UNC13B: variants seen among roughly 807,000 people sequenced by gnomAD.
UNC13B encodes the protein unc-13 homolog B, also known as protein unc-13 homolog B.
A neutral mutation model predicts 211.0 loss-of-function variants in UNC13B; 144 were observed. That is an observed-to-expected ratio of 0.68 (90% CI 0.60 to 0.78). The LOEUF (loss-of-function observed/expected upper bound fraction) is 0.78, where lower values mean the gene tolerates loss of function less well. UNC13B is among the 30% of genes least tolerant of loss of function. UNC13B has a pLI of 0.00. For synonymous variants in UNC13B, 709 were observed against 725.8 expected (o/e 0.98, Z 0.37); for missense variants, 1,777 against 2,002.0 (o/e 0.89, Z 2.14).
rs747764304 is a variant in UNC13B, at chr9:35,400,424, GCGCT to G, written c.12469_12472del (p.Ser4157ArgfsTer34). On this transcript the variant is annotated frameshift_variant, in exon 37 of 40. Coordinates refer to ENST00000635942, the MANE Select transcript of UNC13B (RefSeq NM_001371189.2). LOFTEE classifies it high-confidence loss of function. ...CTGACACTCTCATCAAGACCTTTGT[GCGCT>G]CGCAGACCACCCAAGGTAAGGCCCT... The G allele has an allele frequency of 6.2e-7, 1 of 1,613,428 alleles. No individual in the cohort carries two copies. The highest frequency in any genetic ancestry group is 8.5e-7 in the Non-Finnish European group (1 of 1,179,690).
At chr9:35,342,504 G>A (rs1055277323) in intron 11 of UNC13B, among the ~76,000 whole-genome samples, 11 of 152,070 alleles carry the variant, frequency 7.2e-5, no homozygotes, top group Admixed American at 7.2e-4. Flanking sequence ...AGCATATGCC[G>A]CACTGGGGTA....
intron 11 of UNC13B, chr9:35,351,883 C>A (rs990151919): frequency 4.9e-6 from 6 of 1,232,142 alleles, no homozygotes; most frequent in Admixed American, 4.2e-5. Context: ...GGAACCAAAC[C>A]AAGACCCTTT....
At chr9:35,178,293 T>C (rs1283585179) in intron 1 of UNC13B, among the ~76,000 whole-genome samples, 1 of 152,080 alleles carries the variant, frequency 6.6e-6, no homozygotes, top group Admixed American at 6.5e-5. Context: ...GTAGATCACT[T>C]GAGTCCAGGG....
In UNC13B at chr9:35,303,199, G is replaced by C; in HGVS notation, c.3795G>C (p.Gly1265=). ...PKENIPLSDA[G]DDNHYCSPTE... ...AAAACATACCATTATCTGATGCTGG[G>C]GATGATAATCATTATTGTTCCCCTA... Residue 1265 remains glycine, a synonymous_variant, in exon 9 of 40, where the codon GGG becomes GGC. Transcript: ENST00000635942. 1 of 398,574 alleles carries C rather than the reference G, an allele frequency of 2.5e-6. No individual in the cohort carries two copies. Among genetic ancestry groups the C allele is most frequent in the South Asian group, 1.3e-4 (1 of 7,848 alleles). 24.7% of individuals were successfully genotyped at this position (398,574 alleles called of 1,614,324 possible).
rs768278226 is a variant in UNC13B, at chr9:35,259,047, T to C, written c.523T>C (p.Cys175Arg). 2 of 1,613,876 alleles carry C rather than the reference T, an allele frequency of 1.2e-6. No homozygotes were observed. Among genetic ancestry groups the C allele is most frequent in the Non-Finnish European group, 8.5e-7 (1 of 1,179,912 alleles). The stretch of plus-strand genomic sequence containing the variant: ...GCCATTGCCCACTGCTGCCGCCCAG[T>C]GTTGTAAGTGAGAAACTTGTCTATG... ...RKPLPTAAAQ[C>R]SFEDPDSAVD... The change falls in exon 7 of 40, where the codon TGT (cysteine) becomes CGT (arginine). Residue 175 changes from cysteine to arginine, a missense_variant. Transcript: ENST00000635942.
intron 11 of UNC13B, among the ~76,000 whole-genome samples, chr9:35,357,965 T>C (rs1459409059): frequency 1.3e-5 from 2 of 152,214 alleles, no homozygotes; most frequent in African/African-American, 4.8e-5. Flanking sequence ...CTCACCCCAG[T>C]CCCTGGCAAC....
chr9:35,403,461 A>T lies in UNC13B; in HGVS notation c.12599A>T (p.Lys4200Met). 6.2e-7 allele frequency: 1 copy of T among 1,613,864 alleles called. No homozygotes were observed. The highest frequency in any genetic ancestry group is 8.5e-7 in the Non-Finnish European group (1 of 1,179,994). The change falls in exon 39 of 40, where the codon AAG (lysine) becomes ATG (methionine). Residue 4200 changes from lysine (K) to methionine (M), a missense_variant. Coordinates refer to ENST00000635942, the MANE Select transcript of UNC13B (RefSeq NM_001371189.2). ...GCAGTGGTGGCTGCCAATGACCTCA[A>T]GTGGCAGACAGCGGGTATGTTCCGG... is the stretch of plus-strand genomic sequence containing the variant. ...TVKVVAANDL[K>M]WQTAGMFRPF...
At chr9:35,198,392 C>T (rs1456785150) in intron 1 of UNC13B, among the ~76,000 whole-genome samples, 1 of 152,206 alleles carries the variant, frequency 6.6e-6, no homozygotes, top group Non-Finnish European at 1.5e-5. Flanking sequence ...CTGCCATGAT[C>T]ATACGTTTCC....
At chr9:35,199,731 T>C (rs1474900517) in intron 1 of UNC13B, among the ~76,000 whole-genome samples, 2 of 152,250 alleles carry the variant, frequency 1.3e-5, no homozygotes, top group Non-Finnish European at 2.9e-5. Flanking sequence ...TTGTAGATTC[T>C]GGATATTAGC....
intron 37 of UNC13B, among the ~76,000 whole-genome samples, chr9:35,400,687 G>C (rs1836239159): frequency 6.6e-6 from 1 of 152,196 alleles, no homozygotes. Context: ...ACATTGCCTG[G>C]CCCATGCATG....
chr9:35,248,066 T>C (rs1826211035), intron 6 of UNC13B, among the ~76,000 whole-genome samples: 1 of 152,232 alleles, frequency 6.6e-6, no homozygotes, highest in East Asian at 1.9e-4. Context: ...TTCAACTTCT[T>C]CCTGGTTCAT....
chr9:35,214,618 A>G (rs943318323), intron 1 of UNC13B, among the ~76,000 whole-genome samples: 4 of 152,168 alleles, frequency 2.6e-5, no homozygotes, highest in African/African-American at 9.6e-5. Flanking sequence ...GCTGAGTGAC[A>G]TTGCAGATAA....
intron 1 of UNC13B, among the ~76,000 whole-genome samples, chr9:35,223,634 CTT>C (rs1426978339): frequency 6.6e-6 from 1 of 151,758 alleles, no homozygotes; most frequent in Non-Finnish European, 1.5e-5. Context: ...TAGTTTGTCT[CTT>C]TATTGATTGT....
rs1301726272 is a variant in UNC13B, at chr9:35,377,586, C to A, written c.9954C>A (p.Ile3318=). ...ATAAGCCAGAGATCTTTGAAGTTAT[C>A]CGGGACGTCTTCACAGTGAACAAAG... ...ERNKPEIFEV[I]RDVFTVNKAA... Residue 3318 remains isoleucine (I), a synonymous_variant, in exon 16 of 40, where the codon ATC becomes ATA. Coordinates refer to ENST00000635942, the MANE Select transcript of UNC13B (RefSeq NM_001371189.2). The A allele has an allele frequency of 1.2e-6, 2 of 1,614,216 alleles. No homozygotes were observed. Among genetic ancestry groups the A allele is most frequent in the Non-Finnish European group, 1.7e-6 (2 of 1,180,034 alleles).
chr9:35,169,763 C>T (rs997794628), intron 1 of UNC13B, among the ~76,000 whole-genome samples: 5 of 152,290 alleles, frequency 3.3e-5, no homozygotes, highest in Admixed American at 2.0e-4. Context: ...TGTTCTGTTC[C>T]TTATAAGTAG....
Position 35,389,899 on chromosome 9 carries a change from C to G in UNC13B, c.11148C>G (p.Phe3716Leu). 2 of 1,614,152 alleles carry G rather than the reference C, an allele frequency of 1.2e-6. No homozygotes were observed. The highest frequency in any genetic ancestry group is 1.6e-4 in the Middle Eastern group (1 of 6,062). ...EQGPSIRNLD[F>L]WPKLITLIVS... ...GGCCCAGCATTCGGAACCTGGATTTCTGGCCCAAGCTCATCACACTCATCG... is the reference window on the plus strand; with the variant it reads ...GGCCCAGCATTCGGAACCTGGATTTGTGGCCCAAGCTCATCACACTCATCG... The change falls in exon 25 of 40, where the codon TTC (phenylalanine) becomes TTG (leucine). Residue 3716 changes from phenylalanine (F) to leucine (L), a missense_variant. Coordinates refer to ENST00000635942, the MANE Select transcript of UNC13B (RefSeq NM_001371189.2).
At chr9:35,363,049 AC>A (rs1833534219) in intron 11 of UNC13B, among the ~76,000 whole-genome samples, 1 of 152,138 alleles carries the variant, frequency 6.6e-6, no homozygotes, top group African/African-American at 2.4e-5. Flanking sequence ...GGCTAATGGA[AC>A]AGAATGAGTA....
intron 17 of UNC13B, among the ~76,000 whole-genome samples, 156 bp from the exon 18 acceptor site, chr9:35,380,313 GC>G (rs1834735537): frequency 6.6e-6 from 1 of 152,092 alleles, no homozygotes; most frequent in African/African-American, 2.4e-5. Flanking sequence ...TGCTAGGATA[GC>G]CCAACTTTCT....
rs541630756 is a variant in UNC13B at position 35,382,467 on chromosome 9, A to C, written c.10766A>C (p.Asn3589Thr). ...AYYAHTTAST[N>T]VSASDRFAAS... ...TATGCCCACACAACTGCCTCTACCAATGTCTCTGCATCTGATCGCTTTGCA... is the reference window on the plus strand; with the variant it reads ...TATGCCCACACAACTGCCTCTACCACTGTCTCTGCATCTGATCGCTTTGCA... Residue 3589 changes from asparagine (N) to threonine (T), a missense_variant, in exon 21 of 40, where the codon AAT (asparagine) becomes ACT (threonine). Physicochemically the swap from Asn to Thr is moderately conservative, Grantham distance 65. Coordinates refer to ENST00000635942, the MANE Select transcript of UNC13B (RefSeq NM_001371189.2). 1 of 1,614,024 alleles carries C rather than the reference A, an allele frequency of 6.2e-7. No homozygotes were observed.
Sources: allele counts gnomAD v4.1 joint callset (sites outside exome capture counted in the v4.1 genomes callset), GRCh38; gene constraint gnomAD v4.1.1; transcripts MANE v1.5; gene names NCBI Gene and HGNC (gene_info 2026-07-23, HGNC 2026-07-21).